The following INTS7 variants were observed in gnomAD, a reference collection of about 807,000 sequenced individuals.
INTS7 encodes the protein chromosome 1 open reading frame 73.
In INTS7, 46 loss-of-function variants were observed where a neutral mutation model predicts 109.2. The ratio of observed to expected loss-of-function variants is 0.42; its 90% confidence interval spans 0.33 to 0.54. The LOEUF is 0.54. Among genes scored for constraint, INTS7 ranks in the 20% least tolerant of loss-of-function variants. INTS7 has a pLI of 0.07. For synonymous variants in INTS7, 412 were observed against 402.9 expected, an observed-to-expected ratio of 1.02 and a Z score of -0.27; for missense variants, 929 against 1,132.4, an observed-to-expected ratio of 0.82 and a Z score of 2.58.
rs74811342 is a variant in INTS7 at position 212,016,344 on chromosome 1, G to A, written c.509+542C>T. Among the ~76,000 whole-genome samples the A allele has an allele frequency of 9.6e-3, 1,463 of 152,300 alleles. 30 individuals are homozygous for A. The highest frequency in any genetic ancestry group is 0.033 in the African/African-American group (1,369 of 41,550). On this transcript the variant is annotated intron_variant, in intron 4 of 19. Coordinates refer to ENST00000366994, the MANE Select transcript of INTS7 (RefSeq NM_015434.4). ...GGGAGATACTGTATTTTCTTTTACA[G>A]AAGAGAAGCCAATCAAACATAGTAA... is the stretch of plus-strand genomic sequence containing the variant.
At position 211,968,673 on chromosome 1, in the gene INTS7, T is replaced by C; in HGVS notation, c.1850A>G (p.Gln617Arg). 1 of 1,610,854 alleles carries C rather than the reference T, an allele frequency of 6.2e-7. No individual in the cohort carries two copies. The highest frequency in any genetic ancestry group is 1.7e-4 in the Middle Eastern group (1 of 6,048). The change falls in exon 14 of 20, where the codon CAG becomes CGG. Residue 617 changes from glutamine (Q) to arginine (R), a missense_variant. Gln to Arg is a conservative substitution (Grantham distance 43, BLOSUM62 1). Around this residue, in one of 2 missense-constraint regions of INTS7, gnomAD observed 787 missense variants for 901.1 expected, o/e 0.87. Coordinates refer to ENST00000366994, the MANE Select transcript of INTS7 (RefSeq NM_015434.4). ...AATCCTGAGTTTTACAAATTCACAC[T>C]GAAAGCTTAAAGGATTCAGTGGTGT... Reference protein sequence around the residue: ...ASTPLNPLSFQCEFVKLRIDL... With the variant: ...ASTPLNPLSFRCEFVKLRIDL...
rs774777656 is a variant in INTS7 at position 211,976,608 on chromosome 1, G to A, written c.1582C>T (p.Arg528Cys). Residue 528 changes from arginine (R) to cysteine (C), a missense_variant, in exon 12 of 20, where the codon CGT (arginine) becomes TGT (cysteine). By Grantham distance (180) the Arg-to-Cys change is radical. Around this residue, in one of 2 missense-constraint regions of INTS7, gnomAD observed 787 missense variants for 901.1 expected, o/e 0.87. Transcript: ENST00000366994. ...ESVSNGWTVY[R>C]IARQASRMGN... is the part of the protein sequence containing the mutation. ...ATTCTGGAAGCCTGTCTGGCAATAC[G>A]GTATACAGTCCATCCATTGGAGACA... The A allele has an allele frequency of 1.9e-6, 3 of 1,613,654 alleles. No homozygotes were observed. The highest frequency in any genetic ancestry group is 2.5e-6 in the Non-Finnish European group (3 of 1,179,782).
intron 4 of INTS7, chr1:212,011,751 A>G (rs113049862): frequency 1.9e-5 from 4 of 210,428 alleles, no homozygotes; most frequent in African/African-American, 6.9e-5. Flanking sequence ...TTTCACTCCT[A>G]TATTTCTGGA....
chr1:212,014,346 T>A (rs1323184553), intron 4 of INTS7, among the ~76,000 whole-genome samples: 1 of 150,938 alleles, frequency 6.6e-6, no homozygotes, highest in Non-Finnish European at 1.5e-5. Context: ...GCGCCTGTAA[T>A]CCCAGCTACT....
In INTS7 at chr1:211,975,784, C is replaced by T. The variant is rs183891448; in HGVS notation, c.1609-412G>A. Among the ~76,000 whole-genome samples the T allele has an allele frequency of 1.4e-4, 21 of 152,132 alleles. No individual in the cohort carries two copies. In the East Asian group the frequency reaches 3.9e-3, roughly 28 times the overall value. ...GTGAATACCATTTAATGCCTGGGGCCAGGGATACTCAATGTCCTGCAGTGC... is the reference window on the plus strand; with the variant it reads ...GTGAATACCATTTAATGCCTGGGGCTAGGGATACTCAATGTCCTGCAGTGC... On this transcript the variant is annotated intron_variant, in intron 12 of 19. Coordinates refer to ENST00000366994, the MANE Select transcript of INTS7 (RefSeq NM_015434.4).
At chr1:212,027,380 T>G (rs2102500844) in intron 1 of INTS7, among the ~76,000 whole-genome samples, 1 of 152,272 alleles carries the variant, frequency 6.6e-6, no homozygotes, top group African/African-American at 2.4e-5. Flanking sequence ...ATAAGACCAC[T>G]AATCATAAGA....
chr1:211,971,674 G>C (rs1664175804), intron 13 of INTS7, among the ~76,000 whole-genome samples: 1 of 152,198 alleles, frequency 6.6e-6, no homozygotes, highest in African/African-American at 2.4e-5. Flanking sequence ...CCAGCACTTT[G>C]GGAGGCCAAG....
chr1:211,970,872 T>C (rs1664138104), intron 13 of INTS7, among the ~76,000 whole-genome samples: 1 of 152,160 alleles, frequency 6.6e-6, no homozygotes, highest in South Asian at 2.1e-4. Flanking sequence ...AAGATGCACA[T>C]AACCTGTGCA....
chr1:211,970,323 T>C (rs1174396327), intron 13 of INTS7, among the ~76,000 whole-genome samples: 1 of 152,214 alleles, frequency 6.6e-6, no homozygotes, highest in Non-Finnish European at 1.5e-5. Flanking sequence ...GTGGAGATCC[T>C]AGCACTATGT....
intron 14 of INTS7, among the ~76,000 whole-genome samples, chr1:211,968,279 A>T (rs893503963): frequency 2.0e-5 from 3 of 152,196 alleles, no homozygotes; most frequent in Non-Finnish European, 2.9e-5. Context: ...TCAAGTTTTT[A>T]AAAAAATCTG....
chr1:211,961,739 TAAAG>T (rs1166049220), intron 16 of INTS7, among the ~76,000 whole-genome samples: 10 of 152,122 alleles, frequency 6.6e-5, no homozygotes, highest in African/African-American at 2.4e-4. Flanking sequence ...TCAACATTCT[TAAAG>T]AAAAGAAATT....
chr1:211,960,154 A>G (rs906458093), intron 16 of INTS7, among the ~76,000 whole-genome samples: 2 of 152,208 alleles, frequency 1.3e-5, no homozygotes, highest in Non-Finnish European at 2.9e-5. Flanking sequence ...GTTGAGGCTC[A>G]TATCAGTCCC....
At chr1:212,004,497 T>C (rs1466618484) in intron 7 of INTS7, among the ~76,000 whole-genome samples, 4 of 152,100 alleles carry the variant, frequency 2.6e-5, no homozygotes, top group African/African-American at 2.4e-5. Context: ...TCAGACGAAA[T>C]AGACTAGGGC....
intron 1 of INTS7, among the ~76,000 whole-genome samples, chr1:212,031,143 CT>C (rs1352572756): frequency 2.0e-5 from 3 of 152,184 alleles, no homozygotes; most frequent in African/African-American, 4.8e-5. Flanking sequence ...TCACTGCTCT[CT>C]TCCCCATTGC....
At chr1:212,015,710 T>TAAAAAA (rs58204818) in intron 4 of INTS7, among the ~76,000 whole-genome samples, 19 of 34,980 alleles carry the variant, frequency 5.4e-4, no homozygotes, top group Non-Finnish European at 6.8e-4. Context: ...CAATAAATAC[T>TAAAAAA]AAAAAAAAAA....
chr1:212,006,939 A>G (rs1015573812), intron 6 of INTS7, among the ~76,000 whole-genome samples, 178 bp from the exon 7 acceptor site: 1 of 151,502 alleles, frequency 6.6e-6, no homozygotes, highest in Non-Finnish European at 1.5e-5. Context: ...AAATACTACC[A>G]TTTAACTTTA....
At chr1:211,982,608 A>G (rs1664710483) in intron 9 of INTS7, 68 bp downstream of exon 9, 4 of 1,296,744 alleles carry the variant, frequency 3.1e-6, no homozygotes, top group Admixed American at 2.5e-5. Context: ...TTAAAAAAAA[A>G]TCAAACAGAA....
intron 3 of INTS7, among the ~76,000 whole-genome samples, chr1:212,017,397 T>C (rs1287943244): frequency 1.3e-5 from 2 of 152,232 alleles, no homozygotes; most frequent in Non-Finnish European, 2.9e-5. Flanking sequence ...ATTTTTGCTG[T>C]TAAGCAGATA....
intron 17 of INTS7, among the ~76,000 whole-genome samples, chr1:211,950,667 G>A (rs540850920): frequency 6.3e-4 from 96 of 152,324 alleles, no homozygotes; most frequent in Admixed American, 1.4e-3. Flanking sequence ...CTATGAGGCA[G>A]GTATGTTTTC....
Sources: allele counts gnomAD v4.1 joint callset (sites outside exome capture counted in the v4.1 genomes callset), GRCh38; gene constraint gnomAD v4.1.1; regional missense constraint gnomAD v4.1.1; transcripts MANE v1.5; gene names NCBI Gene and HGNC (gene_info 2026-07-23, HGNC 2026-07-21).